The following OCIAD1 variants were observed in gnomAD, a reference collection of about 807,000 sequenced individuals.
OCIAD1 encodes the protein OCIA domain containing 1.
Under a neutral mutation model 38.9 loss-of-function variants are expected in OCIAD1, and 29 were observed. The observed-to-expected ratio is 0.74, with a 90% confidence interval of 0.55 to 1.02. OCIAD1 has a LOEUF of 1.02. Ranked by LOEUF, OCIAD1 falls within the 50% of genes least tolerant of loss-of-function variation. The pLI is 0.00. For synonymous variants in OCIAD1, 110 were observed against 92.0 expected, an observed-to-expected ratio of 1.20 and a Z score of -1.12; for missense variants, 288 against 289.6, an observed-to-expected ratio of 0.99 and a Z score of 0.04.
chr4:48,860,115 A>ATAG (rs1780466983), intron 8 of OCIAD1: 1 of 152,510 alleles, frequency 6.6e-6, no homozygotes, highest in South Asian at 2.1e-4. Context: ...AAGGAGTAGA[A>ATAG]TAGACAGCGG....
chr4:48,821,807 G>T (rs1444200322), intron 1 of OCIAD1, among the ~76,000 whole-genome samples: 1 of 152,120 alleles, frequency 6.6e-6, no homozygotes, highest in Non-Finnish European at 1.5e-5. Context: ...GCTACAAAGA[G>T]AATAAAATAC....
intron 4 of OCIAD1, among the ~76,000 whole-genome samples, chr4:48,847,062 A>G (rs1418391018): frequency 6.6e-6 from 1 of 152,222 alleles, no homozygotes; most frequent in Non-Finnish European, 1.5e-5. Flanking sequence ...TTACCAAACT[A>G]TTTAGACCAA....
rs186728096 is a variant in OCIAD1 at position 48,832,309 on chromosome 4, C to T, written c.-5-311C>T. ...CATAGGATGTGAAAGAACCCACTTC[C>T]AGGAGGAAAAAATATGTCTGTTATT... On this transcript the variant is annotated intron_variant, in intron 1 of 8. Transcript: ENST00000264312. Among the ~76,000 whole-genome samples the T allele has an allele frequency of 9.2e-5, 14 of 152,132 alleles. No homozygotes were observed. The East Asian group carries it at 2.3e-3, about 25-fold the overall frequency.
upstream of OCIAD1, among the ~76,000 whole-genome samples, chr4:48,829,740 C>G (rs892940105): frequency 4.6e-5 from 7 of 152,154 alleles, no homozygotes; most frequent in Non-Finnish European, 2.9e-5. Flanking sequence ...AGTAAATTAG[C>G]TTGTCCCAGG....
intron 1 of OCIAD1, among the ~76,000 whole-genome samples, chr4:48,817,677 G>A (rs1344783602): frequency 1.3e-5 from 2 of 152,242 alleles, no homozygotes; most frequent in Admixed American, 6.5e-5. Context: ...AGAACCACTG[G>A]CTTGAAATTC....
chr4:48,830,232 C>T (rs750377608), upstream of OCIAD1, among the ~76,000 whole-genome samples: 9 of 152,152 alleles, frequency 5.9e-5, no homozygotes, highest in Non-Finnish European at 1.0e-4. Flanking sequence ...GGAAACACAG[C>T]GTTGGATTCG....
intron 3 of OCIAD1, among the ~76,000 whole-genome samples, chr4:48,834,448 G>A (rs561276677): frequency 2.6e-5 from 4 of 152,308 alleles, no homozygotes; most frequent in Non-Finnish European, 5.9e-5. Flanking sequence ...GATTATAGGC[G>A]TGAGCCACCA....
At chr4:48,817,259 T>C (rs767681907) in intron 1 of OCIAD1, among the ~76,000 whole-genome samples, 4 of 152,178 alleles carry the variant, frequency 2.6e-5, no homozygotes, top group Admixed American at 2.0e-4. Context: ...CTACACTTTT[T>C]CCACGGTTTT....
chr4:48,831,849 C>G (rs544762703), intron 1 of OCIAD1, among the ~76,000 whole-genome samples: 1 of 152,188 alleles, frequency 6.6e-6, no homozygotes, highest in Non-Finnish European at 1.5e-5. Flanking sequence ...CAGTTGCTGT[C>G]CTCATTGTGT....
chr4:48,810,936 C>A, intron 1 of OCIAD1, among the ~76,000 whole-genome samples: 1 of 140,476 alleles, frequency 7.1e-6, no homozygotes. Flanking sequence ...CACTCTGTTG[C>A]CCAGGCTGGA....
Position 48,861,512 on chromosome 4 carries a change from C to G in OCIAD1, c.*750C>G, listed in dbSNP as rs1230936975. Reference sequence around the variant, plus strand: ...GACCAGCCTGGGCAACAAAGCGAGACCCTGTCTTTACAAAAAAATAAAAAT... The same window carrying G: ...GACCAGCCTGGGCAACAAAGCGAGAGCCTGTCTTTACAAAAAAATAAAAAT... On this transcript the variant is annotated 3_prime_UTR_variant, in exon 9 of 9. Transcript: ENST00000264312. 6.6e-6 allele frequency: 1 copy of G among 151,974 alleles called. No individual in the cohort carries two copies. The highest frequency in any genetic ancestry group is 2.4e-5 in the African/African-American group (1 of 41,358). The allele number at this position is 151,974 out of a possible 1,614,324, so 9.4% of individuals were successfully genotyped here.
chr4:48,809,808 A>G (rs1268004748), intron 1 of OCIAD1, among the ~76,000 whole-genome samples: 1 of 152,152 alleles, frequency 6.6e-6, no homozygotes, highest in Non-Finnish European at 1.5e-5. Flanking sequence ...CACCTTTCCC[A>G]GAAAGTTTGC....
chr4:48,823,944 G>T (rs1170556531), intron 1 of OCIAD1, among the ~76,000 whole-genome samples: 2 of 140,010 alleles, frequency 1.4e-5, no homozygotes, highest in African/African-American at 5.3e-5. Flanking sequence ...TCAGATTACA[G>T]GAGTGAGCCA....
chr4:48,821,895 G>A (rs1777198056), intron 1 of OCIAD1, among the ~76,000 whole-genome samples: 1 of 152,104 alleles, frequency 6.6e-6, no homozygotes. Flanking sequence ...AAATACGAGA[G>A]GACACAAACA....
intron 1 of OCIAD1, among the ~76,000 whole-genome samples, chr4:48,825,105 C>T (rs929674587): frequency 8.5e-5 from 13 of 152,180 alleles, no homozygotes; most frequent in African/African-American, 3.1e-4. Flanking sequence ...AGCAGATCCC[C>T]TGCAGCTGGC....
At chr4:48,842,730 C>A (rs775207541) in intron 4 of OCIAD1, 41 bp downstream of exon 4, 1 of 1,097,896 alleles carries the variant, frequency 9.1e-7, no homozygotes, top group Non-Finnish European at 1.3e-6. Context: ...ATTTTGGATA[C>A]CATGTTTGTT....
chr4:48,850,731 G>A (rs575466228), intron 6 of OCIAD1, among the ~76,000 whole-genome samples: 3 of 152,044 alleles, frequency 2.0e-5, no homozygotes, highest in Admixed American at 6.6e-5. Flanking sequence ...ACACCACCAC[G>A]CCTAGCTAAT....
chr4:48,852,890 T>TTTTGTTTTTTTG (rs1560438246), intron 7 of OCIAD1, among the ~76,000 whole-genome samples: 3 of 147,582 alleles, frequency 2.0e-5, no homozygotes, highest in East Asian at 3.9e-4. Context: ...TTGTTTTTTT[T>TTTTGTTTTTTTG]TTTTTTTTTG....
At chr4:48,839,632 A>G (rs1267611857) in intron 3 of OCIAD1, among the ~76,000 whole-genome samples, 4 of 152,176 alleles carry the variant, frequency 2.6e-5, no homozygotes, top group African/African-American at 9.7e-5. Flanking sequence ...AGTGTTGGCT[A>G]TCTTTATTAA....
Sources: gnomAD v4.1 joint callset for allele counts (sites outside exome capture counted in the v4.1 genomes callset) on GRCh38, gnomAD v4.1.1 for gene constraint, MANE v1.5 for transcripts, NCBI Gene and HGNC (gene_info 2026-07-23, HGNC 2026-07-21) for gene names.